Variants in EPS8 observed in about 807,000 individuals in gnomAD.
The protein encoded by EPS8 is epidermal growth factor receptor kinase substrate 8.
Under a neutral mutation model 103.8 loss-of-function variants are expected in EPS8, and 42 were observed. That is an observed-to-expected ratio of 0.40 (90% CI 0.32 to 0.52). The LOEUF is 0.52. Among genes scored for constraint, EPS8 ranks in the 20% least tolerant of loss-of-function variants. EPS8 has a pLI of 0.40. For synonymous variants in EPS8, 344 were observed against 344.6 expected (o/e 1.00, Z 0.02); for missense variants, 969 against 1,005.1 (o/e 0.96, Z 0.49).
At chr12:15,649,459 T>C (rs961523448) in intron 14 of EPS8, among the ~76,000 whole-genome samples, 3 of 152,164 alleles carry the variant, frequency 2.0e-5, no homozygotes, top group African/African-American at 7.2e-5. Flanking sequence ...CTAGAAAAAC[T>C]ACCCTTTAAA....
In EPS8 at chr12:15,717,292, A is replaced by C. The variant is rs1356950850; in HGVS notation, c.-21-34320T>G. Among the ~76,000 whole-genome samples the C allele has an allele frequency of 1.3e-5, 2 of 152,182 alleles. No homozygotes were observed. Among genetic ancestry groups the C allele is most frequent in the Non-Finnish European group, 2.9e-5 (2 of 68,016 alleles). ...TAGAGCTAGGATTAAAGGTAGAAAA[A>C]ACAAAAAAAGGGAGCCAGGCACAGT... On this transcript the variant is annotated intron_variant, in intron 1 of 20. Transcript: ENST00000281172. This position sits in a 1 kb window ranked among gnomAD's most constrained non-coding sequence, Gnocchi z 4.3.
rs565851735 is a variant in EPS8 at position 15,735,713 on chromosome 12, A to T, written c.-21-52741T>A. On this transcript the variant is annotated intron_variant, in intron 1 of 20. Transcript: ENST00000281172. The surrounding 1 kb of genome is among the most constrained non-coding windows in gnomAD (Gnocchi z 4.4). ...AGTAATCAGGTTATTTAAATTGTAG[A>T]CCTTTTAAAAGTGCATGTTATTAAA... Among the ~76,000 whole-genome samples, 1 of 152,326 alleles carries T rather than the reference A, an allele frequency of 6.6e-6. No homozygotes were observed. The highest frequency in any genetic ancestry group is 2.4e-5 in the African/African-American group (1 of 41,572).
In EPS8 at chr12:15,714,493, T is replaced by C. The variant is rs1946506525; in HGVS notation, c.-21-31521A>G. ...CCCATCTCCACAAAAAATTCAGCAA[T>C]CAGCCAAGCATGGTGGTACACACCA... On this transcript the variant is annotated intron_variant, in intron 1 of 20. Transcript: ENST00000281172. The surrounding 1 kb of genome is among the most constrained non-coding windows in gnomAD (Gnocchi z 4.1). Among the ~76,000 whole-genome samples, 1 of 151,900 alleles carries C rather than the reference T, an allele frequency of 6.6e-6. No individual in the cohort carries two copies. Among genetic ancestry groups the C allele is most frequent in the South Asian group, 2.1e-4 (1 of 4,816 alleles).
At chr12:15,783,685 C>T (rs1193122718) in intron 1 of EPS8, among the ~76,000 whole-genome samples, 2 of 147,048 alleles carry the variant, frequency 1.4e-5, no homozygotes, top group Middle Eastern at 3.6e-3. Context: ...CTAACAATTC[C>T]ATTTTCACAA....
intron 18 of EPS8, among the ~76,000 whole-genome samples, chr12:15,626,903 G>A (rs1250132025): frequency 6.6e-6 from 1 of 151,938 alleles, no homozygotes; most frequent in Non-Finnish European, 1.5e-5. Flanking sequence ...TTCCCCTGAT[G>A]TATATAAAAC....
At position 15,764,081 on chromosome 12, in the gene EPS8, C is replaced by A. The variant is rs1042082619; in HGVS notation, c.-22+25080G>T. Among the ~76,000 whole-genome samples, 1 of 152,196 alleles carries A rather than the reference C, an allele frequency of 6.6e-6. No individual in the cohort carries two copies. The highest frequency in any genetic ancestry group is 1.5e-5 in the Non-Finnish European group (1 of 68,034). ...GAGGTTTAATGGACTCACAGTTCCA[C>A]ATGGCTAGGGAGGCCTCATAATCAT... On this transcript the variant is annotated intron_variant, in intron 1 of 20. Transcript: ENST00000281172. This position sits in a 1 kb window ranked among gnomAD's most constrained non-coding sequence, Gnocchi z 4.1.
chr12:15,780,939 T>C lies in EPS8; in HGVS notation c.-22+8222A>G, dbSNP rs956299902. 1.3e-5 allele frequency among the ~76,000 whole-genome samples: 2 copies of C among 152,234 alleles called. No individual in the cohort carries two copies. The highest frequency in any genetic ancestry group is 1.3e-4 in the Admixed American group (2 of 15,286). On this transcript the variant is annotated intron_variant, in intron 1 of 20. Coordinates refer to ENST00000281172, the MANE Select transcript of EPS8 (RefSeq NM_004447.6). This position sits in a 1 kb window ranked among gnomAD's most constrained non-coding sequence, Gnocchi z 4.1. Reference sequence around the variant, plus strand: ...TGCTAATTTCATTCAGCAAGCCTTTTGTGAGTGTGTCATATGGCTGACACA... The same window carrying C: ...TGCTAATTTCATTCAGCAAGCCTTTCGTGAGTGTGTCATATGGCTGACACA...
intron 15 of EPS8, 86 bp from the exon 16 acceptor site, chr12:15,641,916 A>C (rs1945238530): frequency 7.2e-6 from 4 of 556,754 alleles, no homozygotes; most frequent in Non-Finnish European, 1.2e-5. Context: ...GCCAAATCCT[A>C]CCAGAAAACT....
At chr12:15,741,517 T>A (rs1946822580) in intron 1 of EPS8, among the ~76,000 whole-genome samples, 1 of 152,170 alleles carries the variant, frequency 6.6e-6, no homozygotes, top group African/African-American at 2.4e-5. Context: ...CACATTTCAT[T>A]TTGTTCTTGG....
At chr12:15,626,919 T>C (rs1298464744) in intron 18 of EPS8, among the ~76,000 whole-genome samples, 1 of 151,916 alleles carries the variant, frequency 6.6e-6, no homozygotes, top group Non-Finnish European at 1.5e-5. Context: ...AAAACTGCAA[T>C]CCCTCCCCAA....
In EPS8 at chr12:15,762,148, G is replaced by A. The variant is rs1947048261; in HGVS notation, c.-22+27013C>T. Among the ~76,000 whole-genome samples, 1 of 152,048 alleles carries A rather than the reference G, an allele frequency of 6.6e-6. No individual in the cohort carries two copies. Among genetic ancestry groups the A allele is most frequent in the Non-Finnish European group, 1.5e-5 (1 of 67,990 alleles). The stretch of plus-strand genomic sequence containing the variant: ...ATATTTGAATAGAAATTTCTCAAAG[G>A]AAGACATACAAATGGCAAACAGGCA... On this transcript the variant is annotated intron_variant, in intron 1 of 20. Coordinates refer to ENST00000281172, the MANE Select transcript of EPS8 (RefSeq NM_004447.6). This position sits in a 1 kb window ranked among gnomAD's most constrained non-coding sequence, Gnocchi z 4.8.
At chr12:15,622,797 AAT>A (rs201271268) in intron 20 of EPS8, among the ~76,000 whole-genome samples, 223 of 151,036 alleles carry the variant, frequency 1.5e-3, no homozygotes, top group African/African-American at 5.2e-3. Context: ...AAAAAAAAAA[AAT>A]ATTAAGAATA....
Position 15,701,248 on chromosome 12 carries a change from G to A in EPS8, c.-21-18276C>T, listed in dbSNP as rs1467821880. Reference sequence around the variant, plus strand: ...AAACGTTGTTGTAAGTTCTTTGCATGCATTAATTCAATTGATAAGCATAAC... The same window carrying A: ...AAACGTTGTTGTAAGTTCTTTGCATACATTAATTCAATTGATAAGCATAAC... On this transcript the variant is annotated intron_variant, in intron 1 of 20. Transcript: ENST00000281172. This position sits in a 1 kb window ranked among gnomAD's most constrained non-coding sequence, Gnocchi z 5.1. 6.6e-6 allele frequency among the ~76,000 whole-genome samples: 1 copy of A among 152,158 alleles called. No homozygotes were observed. Among genetic ancestry groups the A allele is most frequent in the Non-Finnish European group, 1.5e-5 (1 of 68,030 alleles).
rs2135977660 is a variant in EPS8, at chr12:15,721,469, T to C, written c.-21-38497A>G. On this transcript the variant is annotated intron_variant, in intron 1 of 20. Coordinates refer to ENST00000281172, the MANE Select transcript of EPS8 (RefSeq NM_004447.6). The surrounding 1 kb of genome is among the most constrained non-coding windows in gnomAD (Gnocchi z 4.4). ...GCTAAAAGAACGAGGTTTGTGGGGC[T>C]CAACAAAAAAGTAATCGTCTGGAAG... is the stretch of plus-strand genomic sequence containing the variant. 6.6e-6 allele frequency among the ~76,000 whole-genome samples: 1 copy of C among 152,258 alleles called. No individual in the cohort carries two copies. The highest frequency in any genetic ancestry group is 2.4e-5 in the African/African-American group (1 of 41,554).
intron 14 of EPS8, among the ~76,000 whole-genome samples, chr12:15,649,024 C>T (rs1945367641): frequency 1.3e-5 from 2 of 152,098 alleles, no homozygotes; most frequent in South Asian, 4.1e-4. Flanking sequence ...AATTACTTGG[C>T]CTCTTTTCCA....
intron 15 of EPS8, among the ~76,000 whole-genome samples, chr12:15,643,514 C>T (rs529227582): frequency 2.6e-5 from 4 of 152,066 alleles, no homozygotes; most frequent in East Asian, 1.9e-4. Flanking sequence ...CCGAGGAGGG[C>T]GGATCACCTG....
At position 15,701,041 on chromosome 12, in the gene EPS8, C is replaced by A. The variant is rs1946305333; in HGVS notation, c.-21-18069G>T. On this transcript the variant is annotated intron_variant, in intron 1 of 20. Coordinates refer to ENST00000281172, the MANE Select transcript of EPS8 (RefSeq NM_004447.6). The surrounding 1 kb of genome is among the most constrained non-coding windows in gnomAD (Gnocchi z 5.1). ...CTACCTACCTGTGTCCATCTTTATA[C>A]CATAGTCTCTTAATGATAAACAACC... Among the ~76,000 whole-genome samples the A allele has an allele frequency of 6.6e-6, 1 of 152,050 alleles. No individual in the cohort carries two copies. The highest frequency in any genetic ancestry group is 1.5e-5 in the Non-Finnish European group (1 of 68,010).
rs1946310438 is a variant in EPS8, at chr12:15,701,447, T to G, written c.-21-18475A>C. Among the ~76,000 whole-genome samples the G allele has an allele frequency of 6.6e-6, 1 of 152,168 alleles. No homozygotes were observed. Among genetic ancestry groups the G allele is most frequent in the African/African-American group, 2.4e-5 (1 of 41,430 alleles). ...TGTCTGTATGTGTGACTCATCCCCCTTTAGAATACTTGATAGTAACTTAAA... is the reference window on the plus strand; with the variant it reads ...TGTCTGTATGTGTGACTCATCCCCCGTTAGAATACTTGATAGTAACTTAAA... On this transcript the variant is annotated intron_variant, in intron 1 of 20. Coordinates refer to ENST00000281172, the MANE Select transcript of EPS8 (RefSeq NM_004447.6). The surrounding 1 kb of genome is among the most constrained non-coding windows in gnomAD (Gnocchi z 5.1).
chr12:15,666,603 G>T, intron 6 of EPS8, 81 bp from the exon 7 acceptor site: 1 of 980,228 alleles, frequency 1.0e-6, no homozygotes. Context: ...AAAAGGGATT[G>T]TTCCTTGTCT....
Sources: allele counts gnomAD v4.1 joint callset (sites outside exome capture counted in the v4.1 genomes callset), GRCh38; gene constraint gnomAD v4.1.1; non-coding constraint Gnocchi (gnomAD v3.1); transcripts MANE v1.5; gene names NCBI Gene and HGNC (gene_info 2026-07-23, HGNC 2026-07-21).